The following USP46 variants were observed in gnomAD, a reference collection of about 807,000 sequenced individuals.
The protein encoded by USP46 is ubiquitin specific peptidase 46, also known as ubiquitin carboxyl-terminal hydrolase 46.
Under a neutral mutation model 44.4 loss-of-function variants are expected in USP46, and 12 were observed. The observed-to-expected ratio is 0.27, with a 90% CI of 0.17 to 0.44. The LOEUF (loss-of-function observed/expected upper bound fraction) is 0.44. Among genes scored for constraint, USP46 ranks in the 20% least tolerant of loss-of-function variants. USP46 has a pLI of 1.00. For synonymous variants in USP46, 155 were observed against 161.5 expected (o/e 0.96, Z 0.31); for missense variants, 248 against 444.8 (o/e 0.56, Z 3.98).
chr4:52,595,268 G>A lies in USP46; in HGVS notation c.*2372C>T, dbSNP rs941150800. 3 of 152,570 alleles carry A rather than the reference G, an allele frequency of 2.0e-5. No individual in the cohort carries two copies. The East Asian group carries it at 5.8e-4, about 29-fold the overall frequency. The allele number at this position is 152,570 out of a possible 1,614,324, so 9.5% of individuals were successfully genotyped here. On this transcript the variant is annotated 3_prime_UTR_variant, in exon 9 of 9. Transcript: ENST00000441222. ...AAACTAAAAGTGTTTGCATGTTACT[G>A]TCTTTACATAAAGAGACATGATTGG...
intron 4 of USP46, among the ~76,000 whole-genome samples, chr4:52,616,372 T>G (rs1412708971): frequency 6.6e-6 from 1 of 152,118 alleles, no homozygotes. Flanking sequence ...CCTTCCTTCC[T>G]TCCCTTCTTT....
At chr4:52,615,283 C>T (rs1030041322) in intron 4 of USP46, among the ~76,000 whole-genome samples, 3 of 151,630 alleles carry the variant, frequency 2.0e-5, no homozygotes, top group Admixed American at 6.6e-5. Context: ...CTATGCCGTC[C>T]GCAAGAGCTA....
chr4:52,631,042 AT>A, intron 2 of USP46, 21 bp downstream of exon 2: 1 of 1,547,182 alleles, frequency 6.5e-7, no homozygotes. Context: ...TTTGATGAAA[AT>A]AATACATTTT....
At chr4:52,647,082 T>C (rs1269797730) in intron 1 of USP46, among the ~76,000 whole-genome samples, 4 of 152,230 alleles carry the variant, frequency 2.6e-5, no homozygotes, top group Non-Finnish European at 5.9e-5. Flanking sequence ...CAACATGTCC[T>C]GCTAGTCAGT....
chr4:52,642,080 T>C (rs1365423005), intron 1 of USP46, among the ~76,000 whole-genome samples: 2 of 152,146 alleles, frequency 1.3e-5, no homozygotes, highest in African/African-American at 2.4e-5. Context: ...ATCATTCCTA[T>C]AGTCTTATGA....
At chr4:52,632,985 A>AAAGAAAGG (rs1553891297) in intron 1 of USP46, among the ~76,000 whole-genome samples, 11 of 53,316 alleles carry the variant, frequency 2.1e-4, no homozygotes, top group African/African-American at 9.1e-4. Flanking sequence ...AGAAAGAAAG[A>AAAGAAAGG]AAAGAAAAGA....
intron 1 of USP46, chr4:52,656,434 C>T (rs1415749168): frequency 2.2e-5 from 3 of 133,638 alleles, no homozygotes; most frequent in Middle Eastern, 1.0e-3. Flanking sequence ...ACAGTGGGGG[C>T]GGTGGGTGGG....
chr4:52,623,500 T>C (rs17051624), intron 4 of USP46, among the ~76,000 whole-genome samples: 3,568 of 152,306 alleles, frequency 0.023, 117 homozygotes, highest in African/African-American at 0.076. Context: ...CAAGGATGCA[T>C]GTTGTAATCT....
intron 5 of USP46, among the ~76,000 whole-genome samples, chr4:52,605,181 C>G (rs1716639497): frequency 6.6e-6 from 1 of 152,166 alleles, no homozygotes; most frequent in African/African-American, 2.4e-5. Flanking sequence ...AATCAGATGA[C>G]CACCTCCTAC....
intron 4 of USP46, among the ~76,000 whole-genome samples, chr4:52,617,769 T>C (rs959414718): frequency 2.0e-5 from 3 of 152,160 alleles, no homozygotes; most frequent in African/African-American, 7.2e-5. Flanking sequence ...CTAAGAAAGC[T>C]GCCAGAAAAG....
chr4:52,657,646 C>T (rs1230698502), intron 1 of USP46, among the ~76,000 whole-genome samples: 1 of 152,192 alleles, frequency 6.6e-6, no homozygotes, highest in Non-Finnish European at 1.5e-5. Flanking sequence ...TCTTCACAAG[C>T]AGCCCCTCCA....
chr4:52,633,006 G>GAAAGAAAGAAAGAAAGAAAGAAAAGA, intron 1 of USP46, among the ~76,000 whole-genome samples: 1 of 119,044 alleles, frequency 8.4e-6, no homozygotes, highest in East Asian at 2.5e-4. Flanking sequence ...AAGAAAGAAA[G>GAAAGAAAGAAAGAAAGAAAGAAAAGA]AAAGAAAGAA....
rs574542960 is a variant in USP46, at chr4:52,625,828, G to A, written c.561+190C>T. Among the ~76,000 whole-genome samples, 30 of 152,214 alleles carry A rather than the reference G, an allele frequency of 2.0e-4. No individual in the cohort carries two copies. The South Asian group carries it at 6.2e-3, about 32-fold the overall frequency. Reference sequence around the variant, plus strand: ...GATTTTCCTTTATTATTCAGCTTTGGCCTGCTGAGACATCCTGGATGGATA... The same window carrying A: ...GATTTTCCTTTATTATTCAGCTTTGACCTGCTGAGACATCCTGGATGGATA... On this transcript the variant is annotated intron_variant, in intron 4 of 8. Transcript: ENST00000441222.
intron 1 of USP46, among the ~76,000 whole-genome samples, chr4:52,634,717 G>T (rs1043546987): frequency 2.6e-5 from 4 of 151,902 alleles, no homozygotes; most frequent in Non-Finnish European, 4.4e-5. Flanking sequence ...GAGCCGCCAC[G>T]CCCAGCCAAA....
rs1716244020 is a variant in USP46 at position 52,596,428 on chromosome 4, A to G, written c.*1212T>C. On this transcript the variant is annotated 3_prime_UTR_variant, in exon 9 of 9. Coordinates refer to ENST00000441222, the MANE Select transcript of USP46 (RefSeq NM_022832.4). ...ATATATAACAAAAGTGAAAAAAGTA[A>G]CTATAGTGAGATGAGGTTCTTCCAA... 1 of 152,250 alleles carries G rather than the reference A, an allele frequency of 6.6e-6. No homozygotes were observed. Among genetic ancestry groups the G allele is most frequent in the African/African-American group, 2.4e-5 (1 of 41,468 alleles). 9.4% of individuals were successfully genotyped at this position (152,250 alleles called of 1,614,324 possible).
chr4:52,628,109 G>T lies in USP46; in HGVS notation c.172C>A (p.Pro58Thr), dbSNP rs1717664141. 1.2e-6 allele frequency: 2 copies of T among 1,613,832 alleles called. No homozygotes were observed. Among genetic ancestry groups the T allele is most frequent in the Admixed American group, 1.7e-5 (1 of 59,988 alleles). The change falls in exon 3 of 9, where the codon CCA becomes ACA. Residue 58 changes from proline (P) to threonine (T), a missense_variant. By Grantham distance (38) the Pro-to-Thr change is conservative (BLOSUM62 -1). This residue lies in a region of USP46 where 54 missense variants were observed against 135.0 expected (regional missense o/e 0.40). Coordinates refer to ENST00000441222, the MANE Select transcript of USP46 (RefSeq NM_022832.4). ...SVLQALYFCR[P>T]FRENVLAYKA... ...TATGCCAACACATTCTCCCGGAATGGACGGCAGAAGTACAATGCCTGAAGC... is the reference window on the plus strand; with the variant it reads ...TATGCCAACACATTCTCCCGGAATGTACGGCAGAAGTACAATGCCTGAAGC...
At chr4:52,603,668 T>C (rs1716565405) in intron 6 of USP46, among the ~76,000 whole-genome samples, 1 of 152,122 alleles carries the variant, frequency 6.6e-6, no homozygotes, top group African/African-American at 2.4e-5. Flanking sequence ...TTTCTAACTT[T>C]CTTATCACCT....
rs976502540 is a variant in USP46, at chr4:52,626,362, C to T, written c.332-115G>A. 32 of 860,538 alleles carry T rather than the reference C, an allele frequency of 3.7e-5. No individual in the cohort carries two copies. In the East Asian group the frequency reaches 6.7e-4, roughly 18 times the overall value. The allele number at this position is 860,538 out of a possible 1,614,324, so 53.3% of individuals were successfully genotyped here. A position where few individuals can be genotyped will look rare whatever the true frequency, so the allele number is the denominator to read the frequency against. On this transcript the variant is annotated intron_variant, in intron 3 of 8. Transcript: ENST00000441222. ...TTTTTGAGATGGAGTCTCGCTGTGT[C>T]GCCAGGCTAGAGCGTAGTGGCATGA...
intron 7 of USP46, among the ~76,000 whole-genome samples, chr4:52,600,487 A>G (rs1314340644): frequency 6.6e-6 from 1 of 152,076 alleles, no homozygotes; most frequent in African/African-American, 2.4e-5. Context: ...ATGACTTGGC[A>G]CCAACTGAGC....
Sources: gnomAD v4.1 joint callset for allele counts (sites outside exome capture counted in the v4.1 genomes callset) on GRCh38, gnomAD v4.1.1 for gene constraint, gnomAD v4.1.1 regional missense constraint, MANE v1.5 for transcripts, NCBI Gene and HGNC (gene_info 2026-07-23, HGNC 2026-07-21) for gene names.